Variants in NKAIN2 observed in about 807,000 individuals in gnomAD.
The protein encoded by NKAIN2 is sodium/potassium-transporting ATPase subunit beta-1-interacting protein 2.
In NKAIN2, 14 loss-of-function variants were observed where a neutral mutation model predicts 32.6. That is an observed-to-expected ratio of 0.43 (90% confidence interval 0.28 to 0.67). The LOEUF is 0.67. Ranked by LOEUF, NKAIN2 falls within the 30% of genes least tolerant of loss-of-function variation. The probability of loss-of-function intolerance (pLI) is 0.17; values close to 1 mark genes in which losing one functional copy is unlikely to be tolerated. For missense variants in NKAIN2, 198 were observed against 258.3 expected (o/e 0.77, Z 1.60); for synonymous variants, 80 against 87.2 (o/e 0.92, Z 0.46).
intron 1 of NKAIN2, among the ~76,000 whole-genome samples, chr6:124,058,739 A>G (rs957576265): frequency 6.6e-6 from 1 of 152,104 alleles, no homozygotes; most frequent in Non-Finnish European, 1.5e-5. Context: ...GAGAAAAATA[A>G]TATTTTGTGA....
chr6:124,058,764 A>G (rs778276551), intron 1 of NKAIN2, among the ~76,000 whole-genome samples: 2 of 152,148 alleles, frequency 1.3e-5, no homozygotes, highest in Non-Finnish European at 2.9e-5. Flanking sequence ...TTAAAATGAT[A>G]TGAAAGTCTA....
chr6:124,280,662 C>T (rs1795247135), intron 1 of NKAIN2, among the ~76,000 whole-genome samples: 1 of 152,152 alleles, frequency 6.6e-6, no homozygotes, highest in East Asian at 1.9e-4. Flanking sequence ...GTGCTCTCTC[C>T]ATCCCTGCAC....
At chr6:124,151,482 CACTT>C (rs1164727791) in intron 1 of NKAIN2, among the ~76,000 whole-genome samples, 1 of 151,990 alleles carries the variant, frequency 6.6e-6, no homozygotes, top group African/African-American at 2.4e-5. Flanking sequence ...CTGCTACAAA[CACTT>C]ACGTGTCTGT....
intron 1 of NKAIN2, among the ~76,000 whole-genome samples, chr6:123,944,244 C>G (rs1193417302): frequency 6.6e-6 from 1 of 151,998 alleles, no homozygotes; most frequent in Non-Finnish European, 1.5e-5. Flanking sequence ...GTTCTGCCAT[C>G]CCAACCTGGT....
intron 3 of NKAIN2, among the ~76,000 whole-genome samples, chr6:124,374,772 A>T (rs1799910321): frequency 6.6e-6 from 1 of 152,124 alleles, no homozygotes; most frequent in Non-Finnish European, 1.5e-5. Context: ...TAACAACCTA[A>T]CTATCCAACA....
intron 3 of NKAIN2, among the ~76,000 whole-genome samples, chr6:124,498,525 A>C (rs1177094661): frequency 3.3e-5 from 5 of 152,194 alleles, no homozygotes; most frequent in Admixed American, 3.3e-4. Context: ...CCCTGTCTCC[A>C]TTAAAGCACA....
intron 3 of NKAIN2, among the ~76,000 whole-genome samples, chr6:124,464,946 A>C (rs1776684286): frequency 6.6e-6 from 1 of 152,006 alleles, no homozygotes; most frequent in Non-Finnish European, 1.5e-5. Context: ...TGAATCTATA[A>C]ATTACTTTGG....
chr6:123,815,126 A>G (rs1354299976), intron 1 of NKAIN2, among the ~76,000 whole-genome samples: 1 of 152,228 alleles, frequency 6.6e-6, no homozygotes, highest in African/African-American at 2.4e-5. Flanking sequence ...CCGTGTTTCT[A>G]TCGTAAATCT....
intron 3 of NKAIN2, among the ~76,000 whole-genome samples, chr6:124,601,833 G>A: frequency 6.6e-6 from 1 of 152,018 alleles, no homozygotes; most frequent in Non-Finnish European, 1.5e-5. Context: ...TGAGTGAGAA[G>A]GGTGTCATTA....
At chr6:124,467,365 A>G (rs1413526577) in intron 3 of NKAIN2, among the ~76,000 whole-genome samples, 1 of 152,124 alleles carries the variant, frequency 6.6e-6, no homozygotes, top group African/African-American at 2.4e-5. Context: ...TAGGACTACA[A>G]ACATTAAATA....
intron 1 of NKAIN2, among the ~76,000 whole-genome samples, chr6:124,263,778 A>G (rs1188794898): frequency 6.6e-6 from 1 of 152,118 alleles, no homozygotes; most frequent in East Asian, 1.9e-4. Flanking sequence ...TATGTCCCTC[A>G]TGGTTCTTTT....
At chr6:124,161,536 A>G (rs920036915) in intron 1 of NKAIN2, among the ~76,000 whole-genome samples, 11 of 152,168 alleles carry the variant, frequency 7.2e-5, no homozygotes, top group Non-Finnish European at 1.6e-4. Context: ...AACACTATTT[A>G]GTAACAATAC....
At chr6:124,816,251 A>G (rs1416846531) in intron 5 of NKAIN2, among the ~76,000 whole-genome samples, 1 of 152,164 alleles carries the variant, frequency 6.6e-6, no homozygotes, top group Non-Finnish European at 1.5e-5. Flanking sequence ...TAAAGACAGT[A>G]AAAAGATCAG....
At chr6:124,025,160 G>A (rs1781047997) in intron 1 of NKAIN2, among the ~76,000 whole-genome samples, 1 of 152,094 alleles carries the variant, frequency 6.6e-6, no homozygotes, top group Admixed American at 6.6e-5. Flanking sequence ...CTAATCCAAG[G>A]CCAATTATTT....
intron 3 of NKAIN2, among the ~76,000 whole-genome samples, chr6:124,379,633 C>T (rs1772536420): frequency 6.6e-6 from 1 of 152,104 alleles, no homozygotes; most frequent in South Asian, 2.1e-4. Context: ...GCTTACCTGA[C>T]TGCAGAGCCA....
chr6:124,154,291 A>G (rs1019655039), intron 1 of NKAIN2, among the ~76,000 whole-genome samples: 2 of 151,920 alleles, frequency 1.3e-5, no homozygotes, highest in African/African-American at 2.4e-5. Flanking sequence ...TATCAAAGAA[A>G]TGTTTCTCAA....
At chr6:124,218,084 T>C (rs1791583862) in intron 1 of NKAIN2, among the ~76,000 whole-genome samples, 2 of 151,356 alleles carry the variant, frequency 1.3e-5, no homozygotes, top group African/African-American at 2.4e-5. Context: ...TGGCAAAGTG[T>C]ATGTTAAAAA....
Position 124,182,095 on chromosome 6 carries a change from G to A in NKAIN2, c.55-100910G>A, listed in dbSNP as rs533393130. 5.9e-5 allele frequency among the ~76,000 whole-genome samples: 9 copies of A among 152,316 alleles called. No individual in the cohort carries two copies. In the East Asian group the frequency reaches 1.7e-3, roughly 29 times the overall value. On this transcript the variant is annotated intron_variant, in intron 1 of 6. Coordinates refer to ENST00000368417, the MANE Select transcript of NKAIN2 (RefSeq NM_001040214.3). ...CACGATCATGGTGGAAGGCAAAGGA[G>A]GAGCAAAGGCATGTCTTACTTGGCA...
intron 1 of NKAIN2, among the ~76,000 whole-genome samples, chr6:123,981,940 G>C (rs1207245912): frequency 1.3e-5 from 2 of 152,160 alleles, no homozygotes; most frequent in Non-Finnish European, 2.9e-5. Context: ...GAGTGATTTG[G>C]AGGTGCCAAT....
Sources: allele counts gnomAD v4.1 joint callset (sites outside exome capture counted in the v4.1 genomes callset), GRCh38; gene constraint gnomAD v4.1.1; transcripts MANE v1.5; gene names NCBI Gene and HGNC (gene_info 2026-07-23, HGNC 2026-07-21).